Variants in ATRNL1 observed in about 807,000 individuals in gnomAD.
ATRNL1 encodes attractin like 1.
Under a neutral mutation model 182.7 loss-of-function variants are expected in ATRNL1, and 95 were observed. The observed-to-expected ratio is 0.52, with a 90% CI of 0.44 to 0.62. ATRNL1 has a LOEUF of 0.62. Ranked by LOEUF, ATRNL1 falls within the 20% of genes least tolerant of loss-of-function variation. The pLI is 0.00. For synonymous variants in ATRNL1, 576 were observed against 568.3 expected (o/e 1.01, Z -0.19); for missense variants, 1,471 against 1,679.5 (o/e 0.88, Z 2.17).
chr10:115,624,270 G>T (rs1247572582), intron 26 of ATRNL1, among the ~76,000 whole-genome samples: 1 of 151,718 alleles, frequency 6.6e-6, no homozygotes, highest in Non-Finnish European at 1.5e-5. Flanking sequence ...TAATAATTAT[G>T]CCTCCTAAAA....
intron 26 of ATRNL1, among the ~76,000 whole-genome samples, chr10:115,559,827 C>A (rs1228491350): frequency 6.6e-6 from 1 of 152,120 alleles, no homozygotes; most frequent in Non-Finnish European, 1.5e-5. Context: ...ATATCAGGAA[C>A]AAGTCAAGGA....
chr10:115,332,699 CTTT>C (rs1208520822), intron 18 of ATRNL1, among the ~76,000 whole-genome samples: 2 of 152,114 alleles, frequency 1.3e-5, no homozygotes, highest in Non-Finnish European at 2.9e-5. Flanking sequence ...TGGTTTTACT[CTTT>C]TGTTTGTCTG....
At chr10:115,302,094 T>C in intron 17 of ATRNL1, 51 bp downstream of exon 17, 1 of 1,410,760 alleles carries the variant, frequency 7.1e-7, no homozygotes, top group Non-Finnish European at 9.6e-7. Flanking sequence ...GTAAATTTAC[T>C]TTTCTGTGAT....
At position 115,948,459 on chromosome 10, in the gene ATRNL1, C is replaced by G. The variant is rs1953923226; in HGVS notation, c.*3680C>G. Reference sequence around the variant, plus strand: ...AGTTTCAAAACCCATTTGCCGTATACTAGAGTGAGCTTGGAAACTTACCTG... The same window carrying G: ...AGTTTCAAAACCCATTTGCCGTATAGTAGAGTGAGCTTGGAAACTTACCTG... On this transcript the variant is annotated 3_prime_UTR_variant, in exon 29 of 29. Coordinates refer to ENST00000355044, the MANE Select transcript of ATRNL1 (RefSeq NM_207303.4). 1 of 152,214 alleles carries G rather than the reference C, an allele frequency of 6.6e-6. No homozygotes were observed. Among genetic ancestry groups the G allele is most frequent in the African/African-American group, 2.4e-5 (1 of 41,456 alleles). 9.4% of individuals were successfully genotyped at this position (152,214 alleles called of 1,614,324 possible).
At chr10:115,741,037 ACT>A (rs1393472374) in intron 27 of ATRNL1, among the ~76,000 whole-genome samples, 1 of 152,218 alleles carries the variant, frequency 6.6e-6, no homozygotes, top group Non-Finnish European at 1.5e-5. Context: ...TTAAAAACAA[ACT>A]CTATATACTA....
chr10:115,259,604 C>T (rs1406111449), intron 10 of ATRNL1, among the ~76,000 whole-genome samples: 10 of 152,144 alleles, frequency 6.6e-5, no homozygotes, highest in African/African-American at 2.4e-5. Flanking sequence ...TGCTTCGGCT[C>T]GCCCTCTGTG....
rs924810900 is a variant in ATRNL1, at chr10:115,776,947, A to C, written c.3903+49592A>C. ...TGAGGCAGGCAGATCACTTGAGGCC[A>C]GGAGTTCTTCTCAGTACAGATAAGC... On this transcript the variant is annotated intron_variant, in intron 27 of 28. Coordinates refer to ENST00000355044, the MANE Select transcript of ATRNL1 (RefSeq NM_207303.4). Among the ~76,000 whole-genome samples, 6 of 152,196 alleles carry C rather than the reference A, an allele frequency of 3.9e-5. No homozygotes were observed. In the East Asian group the frequency reaches 1.2e-3, roughly 29 times the overall value.
intron 26 of ATRNL1, among the ~76,000 whole-genome samples, chr10:115,702,331 T>C (rs1946763409): frequency 6.6e-6 from 1 of 152,050 alleles, no homozygotes; most frequent in South Asian, 2.1e-4. Flanking sequence ...GGGCAAAAGC[T>C]GGAAGCTTTT....
intron 25 of ATRNL1, among the ~76,000 whole-genome samples, chr10:115,523,292 T>A (rs1851046855): frequency 6.6e-6 from 1 of 152,172 alleles, no homozygotes; most frequent in Admixed American, 6.5e-5. Context: ...GGGCTCTTGG[T>A]CTGTGATGGG....
At chr10:115,703,360 T>G (rs2134000361) in intron 26 of ATRNL1, among the ~76,000 whole-genome samples, 1 of 152,052 alleles carries the variant, frequency 6.6e-6, no homozygotes, top group South Asian at 2.1e-4. Context: ...GGAAAGAATT[T>G]ATAACTAAGT....
At chr10:115,630,773 T>C (rs148273718) in intron 26 of ATRNL1, among the ~76,000 whole-genome samples, 1,619 of 145,304 alleles carry the variant, frequency 0.011, 31 homozygotes, top group African/African-American at 0.038. Context: ...AGATATATAT[T>C]TAATAGATAT....
At chr10:115,929,998 G>A (rs1459876386) in intron 28 of ATRNL1, among the ~76,000 whole-genome samples, 1 of 151,982 alleles carries the variant, frequency 6.6e-6, no homozygotes, top group East Asian at 1.9e-4. Flanking sequence ...CAAAGAATGT[G>A]GTATAGATGC....
rs535269361 is a variant in ATRNL1, at chr10:115,789,793, G to A, written c.3904-58084G>A. Among the ~76,000 whole-genome samples the A allele has an allele frequency of 9.9e-5, 15 of 152,180 alleles. No individual in the cohort carries two copies. In the South Asian group the frequency reaches 2.5e-3, roughly 25 times the overall value. On this transcript the variant is annotated intron_variant, in intron 27 of 28. Coordinates refer to ENST00000355044, the MANE Select transcript of ATRNL1 (RefSeq NM_207303.4). ...TAGAACTATGGGAAAATTTTGCCTC[G>A]AAGTAAAAGTCAAAACAAATGCAAA...
At chr10:115,241,482 A>G (rs1379109419) in intron 9 of ATRNL1, 89 bp from the exon 10 acceptor site, 8 of 774,976 alleles carry the variant, frequency 1.0e-5, no homozygotes, top group Non-Finnish European at 1.6e-5. Flanking sequence ...GGAAACCTCT[A>G]TATGCAAAGT....
At chr10:115,539,782 C>G (rs1013852963) in intron 25 of ATRNL1, among the ~76,000 whole-genome samples, 2 of 152,122 alleles carry the variant, frequency 1.3e-5, no homozygotes, top group Admixed American at 6.5e-5. Context: ...GAATATTCCT[C>G]TAATCATAGT....
chr10:115,874,485 CAG>C lies in ATRNL1; in HGVS notation c.4018+26498_4018+26499del, dbSNP rs147613314. ...TTGTTTCTCAAGTACTAAGCACTAT[CAG>C]AGAAAGAAATCAATGTTAATTATAC... On this transcript the variant is annotated intron_variant, in intron 28 of 28. Transcript: ENST00000355044. Among the ~76,000 whole-genome samples, 1,061 of 152,238 alleles carry C rather than the reference CAG, an allele frequency of 7.0e-3. 40 individuals are homozygous for C. In the East Asian group the frequency reaches 0.11, roughly 16 times the overall value.
intron 19 of ATRNL1, among the ~76,000 whole-genome samples, chr10:115,378,049 C>G (rs1341123619): frequency 1.3e-5 from 2 of 152,146 alleles, no homozygotes; most frequent in Admixed American, 1.3e-4. Flanking sequence ...ACAGACAGCA[C>G]TTCCCTGGTC....
intron 12 of ATRNL1, among the ~76,000 whole-genome samples, chr10:115,267,917 A>G (rs1294081464): frequency 6.6e-6 from 1 of 152,066 alleles, no homozygotes; most frequent in Non-Finnish European, 1.5e-5. Flanking sequence ...ATGTGCCACT[A>G]TGCCTGGCTA....
chr10:115,486,954 A>G lies in ATRNL1; in HGVS notation c.3654+17625A>G, dbSNP rs1360595358. ...GGGATCCAGTTTCAGCTTTCTGTAT[A>G]TGGCTAGCCAGTTTTCCCAATAACA... On this transcript the variant is annotated intron_variant, in intron 24 of 28. Coordinates refer to ENST00000355044, the MANE Select transcript of ATRNL1 (RefSeq NM_207303.4). 5.3e-5 allele frequency among the ~76,000 whole-genome samples: 8 copies of G among 152,286 alleles called. No individual in the cohort carries two copies. In the South Asian group the frequency reaches 6.2e-4, roughly 12 times the overall value.
Sources: allele counts gnomAD v4.1 joint callset (sites outside exome capture counted in the v4.1 genomes callset), GRCh38; gene constraint gnomAD v4.1.1; transcripts MANE v1.5; gene names NCBI Gene and HGNC (gene_info 2026-07-23, HGNC 2026-07-21).